DDAH1: variants seen among roughly 807,000 people sequenced by gnomAD.
DDAH1 encodes the protein dimethylarginine dimethylaminohydrolase 1.
A neutral mutation model predicts 28.8 loss-of-function variants in DDAH1; 19 were observed. The observed-to-expected ratio is 0.66, with a 90% CI of 0.46 to 0.97. The LOEUF is 0.97. Among genes scored for constraint, DDAH1 ranks in the 50% least tolerant of loss-of-function variants. The pLI, the probability that DDAH1 is intolerant of heterozygous loss-of-function variation, is 0.00. For synonymous variants in DDAH1, 153 were observed against 154.4 expected, an observed-to-expected ratio of 0.99 and a Z score of 0.07; for missense variants, 326 against 375.9, an observed-to-expected ratio of 0.87 and a Z score of 1.10.
intron 4 of DDAH1, among the ~76,000 whole-genome samples, chr1:85,325,391 C>T (rs1647319702): frequency 1.3e-5 from 2 of 152,134 alleles, no homozygotes; most frequent in Non-Finnish European, 2.9e-5. Flanking sequence ...TTTGCTCTTC[C>T]ACATACTTTT....
chr1:85,388,264 C>T (rs1186002457), intron 1 of DDAH1, among the ~76,000 whole-genome samples: 2 of 152,166 alleles, frequency 1.3e-5, no homozygotes, highest in Non-Finnish European at 2.9e-5. Context: ...TGAAATAATA[C>T]ATATAAACAG....
chr1:85,553,810 A>G (rs1281458717), intron 1 of DDAH1, among the ~76,000 whole-genome samples: 4 of 152,204 alleles, frequency 2.6e-5, no homozygotes, highest in Non-Finnish European at 5.9e-5. Flanking sequence ...ATAACTGGAT[A>G]TGTGATCTGG....
At chr1:85,477,987 C>T (rs774023156) in intron 2 of DDAH1, among the ~76,000 whole-genome samples, 1 of 151,982 alleles carries the variant, frequency 6.6e-6, no homozygotes, top group African/African-American at 2.4e-5. Context: ...CATCTGCCAA[C>T]TCAAAATCTC....
At chr1:85,391,241 CG>C (rs1250542888) in intron 1 of DDAH1, among the ~76,000 whole-genome samples, 1 of 152,136 alleles carries the variant, frequency 6.6e-6, no homozygotes, top group Non-Finnish European at 1.5e-5. Flanking sequence ...TTATACTCTT[CG>C]GACAAAAACA....
chr1:85,557,717 A>G (rs1271254559), intron 1 of DDAH1, among the ~76,000 whole-genome samples: 1 of 152,204 alleles, frequency 6.6e-6, no homozygotes, highest in Non-Finnish European at 1.5e-5. Flanking sequence ...GGGTCTTTAA[A>G]GAGGTAATTA....
At chr1:85,376,857 A>G (rs1650698548) in intron 1 of DDAH1, 1 of 152,016 alleles carries the variant, frequency 6.6e-6, no homozygotes, top group South Asian at 2.1e-4. Context: ...AGCAACAATA[A>G]TGTGATTCAA....
chr1:85,330,544 C>T (rs1647696906), intron 4 of DDAH1, among the ~76,000 whole-genome samples: 1 of 152,142 alleles, frequency 6.6e-6, no homozygotes, highest in Non-Finnish European at 1.5e-5. Flanking sequence ...ACACCTAAAC[C>T]CTCCACACGT....
chr1:85,442,738 G>GT (rs1374509792), intron 1 of DDAH1, among the ~76,000 whole-genome samples: 1 of 152,108 alleles, frequency 6.6e-6, no homozygotes, highest in African/African-American at 2.4e-5. Flanking sequence ...GTGTGAGATG[G>GT]TATCTCATTG....
chr1:85,565,871 A>G (rs528425553), intron 1 of DDAH1, among the ~76,000 whole-genome samples: 9 of 152,298 alleles, frequency 5.9e-5, no homozygotes, highest in Non-Finnish European at 1.0e-4. Context: ...ACCTGAGGTC[A>G]AGAGTTCGAG....
chr1:85,533,780 A>C (rs1197983337), intron 1 of DDAH1, among the ~76,000 whole-genome samples: 1 of 152,172 alleles, frequency 6.6e-6, no homozygotes, highest in Non-Finnish European at 1.5e-5. Flanking sequence ...CTTGCTAATA[A>C]GACCTACCTC....
chr1:85,449,318 A>T (rs1477217479), intron 1 of DDAH1, among the ~76,000 whole-genome samples: 5 of 152,224 alleles, frequency 3.3e-5, no homozygotes, highest in African/African-American at 1.2e-4. Flanking sequence ...AGATTCTCTC[A>T]TATGAGGACT....
chr1:85,404,536 G>A, intron 1 of DDAH1: 1 of 1,366,908 alleles, frequency 7.3e-7, no homozygotes, highest in Non-Finnish European at 9.4e-7. Context: ...AACACTAACT[G>A]CAGCTCCAGA....
intron 4 of DDAH1, among the ~76,000 whole-genome samples, chr1:85,327,328 C>A (rs534918692): frequency 6.6e-6 from 1 of 152,274 alleles, no homozygotes; most frequent in African/African-American, 2.4e-5. Flanking sequence ...GGAGTCTAAT[C>A]CTTAGTCTTA....
chr1:85,389,314 A>C (rs538457220), intron 1 of DDAH1, among the ~76,000 whole-genome samples: 1 of 152,246 alleles, frequency 6.6e-6, no homozygotes, highest in Non-Finnish European at 1.5e-5. Flanking sequence ...GTTGTGATGA[A>C]TAAAATGATG....
In DDAH1 at chr1:85,536,263, T is replaced by G. The variant is rs182843150; in HGVS notation, c.-122-39982A>C. On this transcript the variant is annotated intron_variant, in intron 1 of 6. Transcript: ENST00000426972. ...AATAAAAATAAAAAAATAATAAAAA[T>G]TAAAAAGCCTGCTGGGTGCGGTGGC... 1.2e-4 allele frequency among the ~76,000 whole-genome samples: 18 copies of G among 151,222 alleles called. 1 individual carries two copies. The East Asian group carries it at 3.3e-3, about 28-fold the overall frequency.
At chr1:85,514,633 T>G (rs1287410520) in intron 1 of DDAH1, among the ~76,000 whole-genome samples, 1 of 151,200 alleles carries the variant, frequency 6.6e-6, no homozygotes, top group African/African-American at 2.4e-5. Flanking sequence ...GCAAATTAGT[T>G]TTTTTTTCCT....
At chr1:85,420,526 T>C (rs1325369524) in intron 1 of DDAH1, among the ~76,000 whole-genome samples, 3 of 152,200 alleles carry the variant, frequency 2.0e-5, no homozygotes, top group Non-Finnish European at 4.4e-5. Flanking sequence ...CAAACTTCCA[T>C]AGATCCCTAG....
intron 1 of DDAH1, among the ~76,000 whole-genome samples, chr1:85,570,401 A>G (rs976280402): frequency 6.0e-5 from 6 of 99,560 alleles, no homozygotes; most frequent in African/African-American, 2.1e-4. Flanking sequence ...CACACATCTC[A>G]GTGCACTTAT....
At chr1:85,516,609 G>C (rs1255979312) in intron 1 of DDAH1, among the ~76,000 whole-genome samples, 7 of 149,770 alleles carry the variant, frequency 4.7e-5, no homozygotes, top group Non-Finnish European at 8.9e-5. Flanking sequence ...ACCAGCCTTA[G>C]TTGTCATAAA....
Sources: gnomAD v4.1 joint callset for allele counts (sites outside exome capture counted in the v4.1 genomes callset) on GRCh38, gnomAD v4.1.1 for gene constraint, MANE v1.5 for transcripts, NCBI Gene and HGNC (gene_info 2026-07-23, HGNC 2026-07-21) for gene names.